DAB1: variants seen among roughly 807,000 people sequenced by gnomAD.
DAB1 encodes disabled homolog 1.
Under a neutral mutation model 64.6 loss-of-function variants are expected in DAB1, and 15 were observed. The ratio of observed to expected loss-of-function variants is 0.23; its 90% confidence interval spans 0.16 to 0.36. The LOEUF (loss-of-function observed/expected upper bound fraction) is 0.36, where lower values mean the gene tolerates loss of function less well. Ranked by LOEUF, DAB1 falls within the 10% of genes least tolerant of loss-of-function variation. The pLI, the probability that DAB1 is intolerant of heterozygous loss-of-function variation, is 1.00. For missense variants in DAB1, 596 were observed against 706.7 expected (o/e 0.84, Z 1.78); for synonymous variants, 235 against 251.9 (o/e 0.93, Z 0.64).
chr1:57,483,313 T>C (rs1442677499), intron 7 of DAB1, among the ~76,000 whole-genome samples: 1 of 152,150 alleles, frequency 6.6e-6, no homozygotes, highest in East Asian at 1.9e-4. Flanking sequence ...TGGGAAATAA[T>C]TGAATCATGG....
chr1:57,059,852 G>C (rs1650202029), intron 9 of DAB1, among the ~76,000 whole-genome samples: 1 of 152,130 alleles, frequency 6.6e-6, no homozygotes, highest in Admixed American at 6.6e-5. Context: ...CTATACCACA[G>C]CCTGAGGTTT....
At chr1:58,238,285 A>G (rs534765816) in intron 4 of DAB1, among the ~76,000 whole-genome samples, 1 of 152,348 alleles carries the variant, frequency 6.6e-6, no homozygotes, top group African/African-American at 2.4e-5. Flanking sequence ...CCAGGAAGTA[A>G]CAAAGAATGC....
chr1:58,023,210 C>A (rs1646839693), intron 5 of DAB1, among the ~76,000 whole-genome samples: 1 of 152,064 alleles, frequency 6.6e-6, no homozygotes, highest in East Asian at 1.9e-4. Flanking sequence ...CTCTCCAATA[C>A]CCCCAAATAT....
At chr1:57,139,506 C>G (rs558620796) in intron 3 of DAB1, among the ~76,000 whole-genome samples, 1 of 152,122 alleles carries the variant, frequency 6.6e-6, no homozygotes, top group Non-Finnish European at 1.5e-5. Context: ...TAAGAAGTGA[C>G]CTCCTAAAGG....
At chr1:57,298,300 AG>A (rs2100690017) in intron 1 of DAB1, among the ~76,000 whole-genome samples, 1 of 152,284 alleles carries the variant, frequency 6.6e-6, no homozygotes, top group Non-Finnish European at 1.5e-5. Flanking sequence ...TAGGTGTGAA[AG>A]GTACAAGTGC....
chr1:57,939,468 T>A (rs1462198726), intron 5 of DAB1, among the ~76,000 whole-genome samples: 4 of 152,236 alleles, frequency 2.6e-5, no homozygotes, highest in Non-Finnish European at 5.9e-5. Context: ...CTCTCTCATC[T>A]TCAAAACTTT....
At chr1:57,463,585 A>G (rs1421345000) in intron 7 of DAB1, among the ~76,000 whole-genome samples, 1 of 152,162 alleles carries the variant, frequency 6.6e-6, no homozygotes, top group Non-Finnish European at 1.5e-5. Context: ...CTGGGGCAAC[A>G]GAATCTTTCA....
intron 4 of DAB1, among the ~76,000 whole-genome samples, chr1:58,157,426 C>T (rs1296166058): frequency 6.6e-6 from 1 of 152,094 alleles, no homozygotes; most frequent in African/African-American, 2.4e-5. Flanking sequence ...CTGAGGCCAG[C>T]GTGAGGAAAT....
At position 57,608,193 on chromosome 1, in the gene DAB1, T is replaced by C. The variant is rs140696060; in HGVS notation, n.625+41399A>G. 7.9e-3 allele frequency among the ~76,000 whole-genome samples: 1,195 copies of C among 152,140 alleles called. 19 individuals carry two copies. The highest frequency in any genetic ancestry group is 0.027 in the African/African-American group (1,101 of 41,508). On this transcript the variant is annotated intron_variant and non_coding_transcript_variant, in intron 7 of 20. Coordinates refer to the DAB1 transcript ENST00000485760. ...CACATATGACATGTAATATAAAATA[T>C]ATACAAAACAGACTATAAATATATT... is the stretch of plus-strand genomic sequence containing the variant.
chr1:57,730,564 A>G (rs1647366593), intron 6 of DAB1, among the ~76,000 whole-genome samples: 1 of 152,232 alleles, frequency 6.6e-6, no homozygotes, highest in Non-Finnish European at 1.5e-5. Context: ...CGTAGTCATT[A>G]TAAACCAAGG....
intron 1 of DAB1, among the ~76,000 whole-genome samples, chr1:57,842,112 C>T (rs1036570076): frequency 7.2e-5 from 11 of 152,176 alleles, no homozygotes; most frequent in Admixed American, 6.5e-4. Flanking sequence ...ATTTCTTCCA[C>T]CAGATACCCT....
chr1:57,972,503 C>T (rs1645822129), intron 5 of DAB1, among the ~76,000 whole-genome samples: 2 of 152,156 alleles, frequency 1.3e-5, no homozygotes. Flanking sequence ...TCAGCCTCCC[C>T]AAGTGCTGGG....
intron 7 of DAB1, among the ~76,000 whole-genome samples, chr1:57,624,879 T>C (rs4912271): frequency 0.52 from 78,904 of 152,158 alleles, 20,799 homozygotes; most frequent in East Asian, 0.69. Context: ...CTCTAATGAA[T>C]TGCCAATTTT....
intron 2 of DAB1, among the ~76,000 whole-genome samples, chr1:57,254,312 C>T (rs1369953805): frequency 6.6e-6 from 1 of 152,216 alleles, no homozygotes; most frequent in African/African-American, 2.4e-5. Context: ...AACCCAGTGT[C>T]ACCAGGGTTA....
intron 1 of DAB1, among the ~76,000 whole-genome samples, chr1:57,323,462 G>T (rs1270585265): frequency 6.6e-6 from 1 of 152,074 alleles, no homozygotes; most frequent in East Asian, 1.9e-4. Flanking sequence ...CCCATTCAGG[G>T]GCCTTAAAGA....
intron 7 of DAB1, among the ~76,000 whole-genome samples, chr1:57,553,705 T>C (rs1473754507): frequency 6.6e-6 from 1 of 151,842 alleles, no homozygotes; most frequent in East Asian, 1.9e-4. Flanking sequence ...GGGCCAATGT[T>C]GTCAATAGGA....
chr1:57,659,978 A>AAAGT (rs148942627), intron 6 of DAB1, among the ~76,000 whole-genome samples: 1 of 138,724 alleles, frequency 7.2e-6, no homozygotes, highest in Non-Finnish European at 1.5e-5. Flanking sequence ...CTCTCTCTCA[A>AAAGT]AAATAAATAA....
At chr1:58,201,298 T>C (rs1032238023) in intron 4 of DAB1, among the ~76,000 whole-genome samples, 1 of 152,194 alleles carries the variant, frequency 6.6e-6, no homozygotes, top group Non-Finnish European at 1.5e-5. Flanking sequence ...TTTTGTTTTA[T>C]TAATTAATTC....
intron 6 of DAB1, among the ~76,000 whole-genome samples, chr1:57,820,892 A>G (rs530726397): frequency 6.6e-6 from 1 of 152,356 alleles, no homozygotes; most frequent in South Asian, 2.1e-4. Flanking sequence ...TGAGCCTCCC[A>G]GATATAAAGA....
Sources: gnomAD v4.1 joint callset for allele counts (sites outside exome capture counted in the v4.1 genomes callset) on GRCh38, gnomAD v4.1.1 for gene constraint, MANE v1.5 for transcripts, NCBI Gene and HGNC (gene_info 2026-07-23, HGNC 2026-07-21) for gene names.